Variants in UQCC1 observed in about 807,000 individuals in gnomAD.
UQCC1 encodes the protein ubiquinol-cytochrome c reductase complex assembly factor 1.
In UQCC1, 38 loss-of-function variants were observed where a neutral mutation model predicts 48.0. The observed-to-expected ratio is 0.79, with a 90% confidence interval of 0.61 to 1.04. The LOEUF is 1.04. Ranked by LOEUF, UQCC1 falls within the 50% of genes least tolerant of loss-of-function variation. The probability of loss-of-function intolerance (pLI) is 0.00; values close to 1 mark genes in which losing one functional copy is unlikely to be tolerated. For missense variants in UQCC1, 368 were observed against 381.8 expected, an observed-to-expected ratio of 0.96 and a Z score of 0.30; for synonymous variants, 111 against 129.2, an observed-to-expected ratio of 0.86 and a Z score of 0.95.
At chr20:35,371,666 T>C (rs544473200) in intron 5 of UQCC1, among the ~76,000 whole-genome samples, 2 of 105,792 alleles carry the variant, frequency 1.9e-5, no homozygotes, top group African/African-American at 3.6e-5. Context: ...TGATGAAAAA[T>C]ACTTCACACA....
chr20:35,358,085 G>A (rs1028220144), intron 6 of UQCC1, among the ~76,000 whole-genome samples: 23 of 152,146 alleles, frequency 1.5e-4, no homozygotes, highest in African/African-American at 5.6e-4. Flanking sequence ...TGGGCGCGCT[G>A]GCTCATGCCT....
At chr20:35,325,812 G>C (rs1196466650) in intron 7 of UQCC1, among the ~76,000 whole-genome samples, 1 of 151,942 alleles carries the variant, frequency 6.6e-6, no homozygotes, top group Non-Finnish European at 1.5e-5. Context: ...AAAGGCACAG[G>C]GAGGTGAACA....
chr20:35,356,591 C>T (rs1206538046), intron 6 of UQCC1, among the ~76,000 whole-genome samples: 1 of 152,190 alleles, frequency 6.6e-6, no homozygotes, highest in Non-Finnish European at 1.5e-5. Flanking sequence ...ATACTTGTGT[C>T]CTTACTGTCC....
chr20:35,379,737 C>G (rs978511159), intron 4 of UQCC1, among the ~76,000 whole-genome samples: 1 of 151,968 alleles, frequency 6.6e-6, no homozygotes, highest in Non-Finnish European at 1.5e-5. Context: ...ACCTGGGAGG[C>G]GGAGGTTACA....
chr20:35,386,912 T>G (rs1437727972), intron 2 of UQCC1, among the ~76,000 whole-genome samples: 1 of 152,032 alleles, frequency 6.6e-6, no homozygotes, highest in Non-Finnish European at 1.5e-5. Context: ...CTACCCACTC[T>G]TGTCCTTGCA....
Position 35,404,249 on chromosome 20 carries a change from G to C in UQCC1, c.24+7691C>G, listed in dbSNP as rs1411606364. Among the ~76,000 whole-genome samples, 5 of 152,240 alleles carry C rather than the reference G, an allele frequency of 3.3e-5. No homozygotes were observed. The East Asian group carries it at 7.7e-4, about 24-fold the overall frequency. ...CCAGGCGTGGTGGCGGGTGCCTGTA[G>C]TCCCAGCTACTCGGAGAGGCTGAGG... On this transcript the variant is annotated intron_variant, in intron 1 of 9. Coordinates refer to ENST00000374385, the MANE Select transcript of UQCC1 (RefSeq NM_018244.5).
At chr20:35,404,722 C>T (rs1014511722) in intron 1 of UQCC1, among the ~76,000 whole-genome samples, 12 of 149,364 alleles carry the variant, frequency 8.0e-5, no homozygotes, top group African/African-American at 2.2e-4. Flanking sequence ...CATTATTCAA[C>T]CTGTCTGACA....
chr20:35,334,723 A>T (rs142457045), intron 7 of UQCC1, among the ~76,000 whole-genome samples: 1 of 152,210 alleles, frequency 6.6e-6, no homozygotes, highest in African/African-American at 2.4e-5. Flanking sequence ...ACAGGCCACA[A>T]TAAAATGGAT....
chr20:35,400,157 C>A (rs2062142280), intron 1 of UQCC1, among the ~76,000 whole-genome samples: 3 of 151,936 alleles, frequency 2.0e-5, no homozygotes, highest in African/African-American at 7.2e-5. Context: ...AACTCCTGAT[C>A]TCAGGTGATC....
chr20:35,363,160 A>G (rs1197868725), intron 6 of UQCC1, among the ~76,000 whole-genome samples: 1 of 152,118 alleles, frequency 6.6e-6, no homozygotes, highest in Non-Finnish European at 1.5e-5. Context: ...AGTAACATGC[A>G]TTTGTTACGA....
At chr20:35,398,926 C>G (rs1328796846) in intron 1 of UQCC1, among the ~76,000 whole-genome samples, 1 of 152,152 alleles carries the variant, frequency 6.6e-6, no homozygotes, top group African/African-American at 2.4e-5. Flanking sequence ...TAAATCAGTT[C>G]TTATTAGAAG....
In UQCC1 at chr20:35,304,067, T is replaced by C. The variant is rs749652089; in HGVS notation, c.768A>G (p.Ile256Met). 6.8e-6 allele frequency: 11 copies of C among 1,613,784 alleles called. No homozygotes were observed. The highest frequency in any genetic ancestry group is 1.7e-6 in the Non-Finnish European group (2 of 1,179,916). ...CCCCGTTCATGGAGTCCAGGTACTG[T>C]ATCTGCAACCAGGGGAGGGGGAAGG... ...ELLVEYVRKQ[I>M]QYLDSMNGED... The change falls in exon 10 of 10, where the codon ATA becomes ATG. Residue 256 changes from isoleucine to methionine, a missense_variant and splice_region_variant. Coordinates refer to ENST00000374385, the MANE Select transcript of UQCC1 (RefSeq NM_018244.5).
chr20:35,382,006 G>T lies in UQCC1; in HGVS notation c.245C>A (p.Ser82Tyr). The T allele has an allele frequency of 6.2e-7, 1 of 1,605,252 alleles. No homozygotes were observed. Among genetic ancestry groups the T allele is most frequent in the Non-Finnish European group, 8.5e-7 (1 of 1,177,334 alleles). Residue 82 changes from serine to tyrosine, a missense_variant, in exon 4 of 10, where the codon TCC (serine) becomes TAC (tyrosine). Transcript: ENST00000374385. ...AACCTTCTCCTCAACAGGCTGTGGGGAATCTTTGGTAGTAGAAAGCTGATT... is the reference window on the plus strand; with the variant it reads ...AACCTTCTCCTCAACAGGCTGTGGGTAATCTTTGGTAGTAGAAAGCTGATT... ...TTRKLSTTKD[S>Y]PQPVEEKVGA...
intron 2 of UQCC1, among the ~76,000 whole-genome samples, chr20:35,388,770 T>C (rs1414820393): frequency 2.6e-5 from 4 of 152,164 alleles, no homozygotes; most frequent in African/African-American, 7.2e-5. Context: ...TGCTCTCCAA[T>C]AGAAGGAATC....
intron 1 of UQCC1, among the ~76,000 whole-genome samples, chr20:35,407,603 T>C (rs541089681): frequency 2.0e-5 from 3 of 152,204 alleles, no homozygotes; most frequent in Non-Finnish European, 4.4e-5. Context: ...TATGAAAAAC[T>C]TGCCAGATGC....
chr20:35,380,306 T>C (rs2061850938), intron 4 of UQCC1, among the ~76,000 whole-genome samples: 1 of 152,156 alleles, frequency 6.6e-6, no homozygotes, highest in South Asian at 2.1e-4. Flanking sequence ...TTAAAGAACA[T>C]AACTAATATT....
At chr20:35,410,669 C>T (rs1444616355) in intron 1 of UQCC1, among the ~76,000 whole-genome samples, 6 of 104,324 alleles carry the variant, frequency 5.8e-5, no homozygotes, top group African/African-American at 1.8e-4. Context: ...GGCACCACTG[C>T]ACTCCAGCTT....
intron 8 of UQCC1, among the ~76,000 whole-genome samples, chr20:35,311,998 C>T (rs931143801): frequency 4.6e-5 from 7 of 152,164 alleles, no homozygotes; most frequent in South Asian, 2.1e-4. Context: ...TAAAATGGCT[C>T]TGCCAGAATG....
At chr20:35,353,578 G>A (rs922733378) in intron 6 of UQCC1, among the ~76,000 whole-genome samples, 5 of 151,898 alleles carry the variant, frequency 3.3e-5, no homozygotes, top group South Asian at 2.1e-4. Flanking sequence ...ATTGCTTGAG[G>A]CCAAGAGTTC....
Sources: allele counts gnomAD v4.1 joint callset (sites outside exome capture counted in the v4.1 genomes callset), GRCh38; gene constraint gnomAD v4.1.1; transcripts MANE v1.5; gene names NCBI Gene and HGNC (gene_info 2026-07-23, HGNC 2026-07-21).